EIPR1: variants seen among roughly 807,000 people sequenced by gnomAD.
EIPR1 encodes EARP and GARP complex-interacting protein 1.
EIPR1 carries 25 observed loss-of-function variants against 48.1 expected under a neutral mutation model. The ratio of observed to expected loss-of-function variants is 0.52; its 90% CI spans 0.38 to 0.73. The LOEUF is 0.73. EIPR1 is among the 30% of genes least tolerant of loss of function. The probability of loss-of-function intolerance (pLI) is 0.00; values close to 1 mark genes in which losing one functional copy is unlikely to be tolerated. For missense variants in EIPR1, 415 were observed against 506.2 expected (o/e 0.82, Z 1.73); for synonymous variants, 204 against 201.9 (o/e 1.01, Z -0.09).
intron 1 of EIPR1, among the ~76,000 whole-genome samples, chr2:3,363,398 G>A (rs1670896389): frequency 6.6e-6 from 1 of 152,094 alleles, no homozygotes. Context: ...CTAAAAACAG[G>A]GAAGAGAAGA....
intron 2 of EIPR1, among the ~76,000 whole-genome samples, chr2:3,349,167 G>A (rs1363975078): frequency 6.6e-6 from 1 of 152,258 alleles, no homozygotes; most frequent in Non-Finnish European, 1.5e-5. Context: ...GGAGAGGGAA[G>A]CGAGCAGAGA....
chr2:3,358,915 G>A (rs1374895637), intron 1 of EIPR1, among the ~76,000 whole-genome samples: 1 of 152,184 alleles, frequency 6.6e-6, no homozygotes, highest in African/African-American at 2.4e-5. Context: ...GCACCCAGGA[G>A]AGGACCCACC....
chr2:3,330,906 C>T (rs60739910), intron 3 of EIPR1, among the ~76,000 whole-genome samples: 26 of 86,456 alleles, frequency 3.0e-4, no homozygotes, highest in Middle Eastern at 0.014. Context: ...ACTCATGAGA[C>T]GGTGTAAGCA....
At chr2:3,355,804 A>G (rs1000968244) in intron 1 of EIPR1, among the ~76,000 whole-genome samples, 1 of 144,508 alleles carries the variant, frequency 6.9e-6, no homozygotes, top group African/African-American at 2.5e-5. Flanking sequence ...ACCGAACAAG[A>G]CCCTGTCTAA....
intron 3 of EIPR1, among the ~76,000 whole-genome samples, chr2:3,296,468 A>C (rs1668601191): frequency 2.2e-5 from 2 of 92,496 alleles, no homozygotes; most frequent in Non-Finnish European, 4.3e-5. Context: ...CCACACACAC[A>C]CCCTCCATCC....
At chr2:3,197,131 T>C in intron 5 of EIPR1, 114 bp from the exon 6 acceptor site, 2 of 1,182,296 alleles carry the variant, frequency 1.7e-6, no homozygotes, top group Non-Finnish European at 2.3e-6. Context: ...AAATAATTAC[T>C]GAGGATAATT....
chr2:3,217,958 C>A (rs10188046), intron 4 of EIPR1, among the ~76,000 whole-genome samples: 4 of 151,406 alleles, frequency 2.6e-5, no homozygotes, highest in African/African-American at 7.3e-5. Context: ...CACGTGAGTC[C>A]GGGGCACACC....
At chr2:3,345,529 G>A (rs1236726752) in intron 2 of EIPR1, among the ~76,000 whole-genome samples, 1 of 152,040 alleles carries the variant, frequency 6.6e-6, no homozygotes, top group East Asian at 1.9e-4. Flanking sequence ...GGAGGCCGAG[G>A]CAGGAGAATC....
At chr2:3,350,614 T>TA (rs1165197634) in intron 2 of EIPR1, among the ~76,000 whole-genome samples, 1 of 152,180 alleles carries the variant, frequency 6.6e-6, no homozygotes, top group African/African-American at 2.4e-5. Flanking sequence ...AAAGAGGAAT[T>TA]AAAGAGTTCT....
intron 1 of EIPR1, among the ~76,000 whole-genome samples, chr2:3,365,515 T>G (rs1395820994): frequency 6.6e-6 from 1 of 150,788 alleles, no homozygotes. Context: ...TATTGATCAT[T>G]CTTGGGTGTT....
At chr2:3,206,032 C>T (rs1371253722) in intron 5 of EIPR1, among the ~76,000 whole-genome samples, 1 of 152,148 alleles carries the variant, frequency 6.6e-6, no homozygotes, top group Non-Finnish European at 1.5e-5. Flanking sequence ...CCTTCTGGAG[C>T]ACTATGGTCT....
intron 3 of EIPR1, among the ~76,000 whole-genome samples, chr2:3,335,768 C>A (rs1670023617): frequency 6.6e-6 from 1 of 152,142 alleles, no homozygotes; most frequent in Non-Finnish European, 1.5e-5. Flanking sequence ...CCACTTTGCT[C>A]TCTCTCTCCT....
At chr2:3,273,371 T>C (rs1007965021) in intron 3 of EIPR1, among the ~76,000 whole-genome samples, 1 of 152,100 alleles carries the variant, frequency 6.6e-6, no homozygotes, top group Non-Finnish European at 1.5e-5. Context: ...AGGCCACAGA[T>C]AGAACGGGAA....
chr2:3,346,572 G>T (rs769514246), intron 2 of EIPR1, among the ~76,000 whole-genome samples: 1 of 152,174 alleles, frequency 6.6e-6, no homozygotes, highest in Non-Finnish European at 1.5e-5. Context: ...GTCAGGGATC[G>T]CAAGGTGTCA....
intron 3 of EIPR1, among the ~76,000 whole-genome samples, chr2:3,261,294 G>A (rs536436499): frequency 6.6e-6 from 1 of 152,174 alleles, no homozygotes; most frequent in East Asian, 1.9e-4. Flanking sequence ...ATGCACACAT[G>A]AGTGCAAACG....
chr2:3,192,921 C>T (rs1664661083), intron 7 of EIPR1, among the ~76,000 whole-genome samples: 3 of 152,162 alleles, frequency 2.0e-5, no homozygotes, highest in Admixed American at 1.3e-4. Context: ...TTAGCGATAT[C>T]CTGTAATATC....
At chr2:3,369,361 T>A (rs1181952578) in intron 1 of EIPR1, among the ~76,000 whole-genome samples, 1 of 152,136 alleles carries the variant, frequency 6.6e-6, no homozygotes, top group East Asian at 1.9e-4. Flanking sequence ...TTCATCTCAC[T>A]AGGGAGTGCC....
At chr2:3,262,767 C>G (rs1454694012) in intron 3 of EIPR1, among the ~76,000 whole-genome samples, 1 of 152,202 alleles carries the variant, frequency 6.6e-6, no homozygotes, top group African/African-American at 2.4e-5. Context: ...CAGCTCTGAC[C>G]ATGCCTCTGG....
At chr2:3,347,165 G>A (rs1670426058) in intron 2 of EIPR1, among the ~76,000 whole-genome samples, 1 of 152,054 alleles carries the variant, frequency 6.6e-6, no homozygotes, top group Admixed American at 6.6e-5. Context: ...CATGCTTCCT[G>A]TATGGCCTGC....
Sources: allele counts gnomAD v4.1 joint callset (sites outside exome capture counted in the v4.1 genomes callset), GRCh38; gene constraint gnomAD v4.1.1; transcripts MANE v1.5; gene names NCBI Gene and HGNC (gene_info 2026-07-23, HGNC 2026-07-21).